UNC45B: variants seen among roughly 807,000 people sequenced by gnomAD.
UNC45B encodes the protein protein unc-45 homolog B.
In UNC45B, 78 loss-of-function variants were observed where a neutral mutation model predicts 98.7. That is an observed-to-expected ratio of 0.79 (90% CI 0.66 to 0.95). UNC45B has a LOEUF of 0.95. Ranked by LOEUF, UNC45B falls within the 40% of genes least tolerant of loss-of-function variation. The pLI is 0.00. For missense variants in UNC45B, 1,225 were observed against 1,184.9 expected (o/e 1.03, Z -0.50); for synonymous variants, 462 against 480.4 (o/e 0.96, Z 0.50).
At position 35,187,619 on chromosome 17, in the gene UNC45B, A is replaced by G. The variant is rs933169545; in HGVS notation, c.*1060A>G. On this transcript the variant is annotated 3_prime_UTR_variant, in exon 20 of 20. Coordinates refer to ENST00000394570, the MANE Select transcript of UNC45B (RefSeq NM_001267052.2). ...GGTCATATATACAAGTCTAGGGAAGAAATGAGCTTCATCCCTGTCCAATTG... is the reference window on the plus strand; with the variant it reads ...GGTCATATATACAAGTCTAGGGAAGGAATGAGCTTCATCCCTGTCCAATTG... The G allele has an allele frequency of 3.3e-5, 5 of 152,250 alleles. No homozygotes were observed. The highest frequency in any genetic ancestry group is 3.3e-4 in the Admixed American group (5 of 15,288). 9.4% of individuals were successfully genotyped at this position (152,250 alleles called of 1,614,324 possible). A position where few individuals can be genotyped will look rare whatever the true frequency, so the allele number is the denominator to read the frequency against.
At chr17:35,186,044 T>A (rs2092301360) in intron 19 of UNC45B, among the ~76,000 whole-genome samples, 1 of 152,098 alleles carries the variant, frequency 6.6e-6, no homozygotes. Flanking sequence ...GTGAAAAGGA[T>A]AAAACACAAG....
At chr17:35,160,132 C>T (rs1322563341) in intron 8 of UNC45B, among the ~76,000 whole-genome samples, 1 of 151,978 alleles carries the variant, frequency 6.6e-6, no homozygotes, top group East Asian at 1.9e-4. Flanking sequence ...AGGGTGTGGT[C>T]ACATTACATG....
rs1200059090 is a variant in UNC45B at position 35,186,886 on chromosome 17, C to G, written c.*327C>G. The G allele has an allele frequency of 8.2e-6, 2 of 242,444 alleles. No homozygotes were observed. Among genetic ancestry groups the G allele is most frequent in the African/African-American group, 4.5e-5 (2 of 44,440 alleles). 15.0% of individuals were successfully genotyped at this position (242,444 alleles called of 1,614,324 possible). On this transcript the variant is annotated 3_prime_UTR_variant, in exon 20 of 20. Transcript: ENST00000394570. ...AAGGCCAGGATAATAGGTTGAAGTT[C>G]TTTATATTTTGGAAAATGGATTTTG...
Position 35,168,322 on chromosome 17 carries a change from G to A in UNC45B, c.1413G>A (p.Lys471=), listed in dbSNP as rs35879240. Residue 471 remains lysine (K), a synonymous_variant, in exon 10 of 20, where the codon AAG becomes AAA. Coordinates refer to ENST00000394570, the MANE Select transcript of UNC45B (RefSeq NM_001267052.2). ...NGVSLLKQIY[K]TTKNEKIKIR... ...TGTCACTGCTCAAACAGATCTACAA[G>A]ACCACCAAAAATGAGAAGATCAAGA... The A allele has an allele frequency of 0.016, 22,438 of 1,386,918 alleles. 1,431 individuals carry two copies. In the East Asian group the frequency reaches 0.24, roughly 15 times the overall value. 85.9% of individuals were successfully genotyped at this position (1,386,918 alleles called of 1,614,324 possible). A position where few individuals can be genotyped will look rare whatever the true frequency, so the allele number is the denominator to read the frequency against.
Position 35,158,350 on chromosome 17 carries a change from T to C in UNC45B, c.809-1025T>C, listed in dbSNP as rs116942404. On this transcript the variant is annotated intron_variant, in intron 7 of 19. Coordinates refer to ENST00000394570, the MANE Select transcript of UNC45B (RefSeq NM_001267052.2). ...GACCTTGTTGATCTTGTGGCCTTGCTAGTGGCCAGCTTGGGTTTCTATAGA... is the reference window on the plus strand; with the variant it reads ...GACCTTGTTGATCTTGTGGCCTTGCCAGTGGCCAGCTTGGGTTTCTATAGA... Among the ~76,000 whole-genome samples, 1,321 of 152,336 alleles carry C rather than the reference T, an allele frequency of 8.7e-3. 30 individuals carry two copies. The highest frequency in any genetic ancestry group is 0.07 in the East Asian group (364 of 5,188).
At chr17:35,160,494 A>C (rs1334376618) in intron 8 of UNC45B, among the ~76,000 whole-genome samples, 2 of 152,164 alleles carry the variant, frequency 1.3e-5, no homozygotes, top group Non-Finnish European at 2.9e-5. Flanking sequence ...GCCAGAGTGC[A>C]GTGGCGTGAT....
intron 18 of UNC45B, among the ~76,000 whole-genome samples, chr17:35,182,502 A>G (rs1295313976): frequency 3.2e-4 from 48 of 152,292 alleles, no homozygotes; most frequent in East Asian, 1.9e-4. Context: ...ATGGGGAGAC[A>G]GACTGAGGGA....
chr17:35,172,335 T>C (rs1233599035), intron 13 of UNC45B, among the ~76,000 whole-genome samples: 2 of 151,164 alleles, frequency 1.3e-5, no homozygotes, highest in Non-Finnish European at 3.0e-5. Flanking sequence ...ATGCAACCTC[T>C]GCCTCCCAGG....
chr17:35,164,081 T>C lies in UNC45B; in HGVS notation c.1066T>C (p.Ser356Pro), dbSNP rs1175317454. 5 of 1,614,120 alleles carry C rather than the reference T, an allele frequency of 3.1e-6. No individual in the cohort carries two copies. Among genetic ancestry groups the C allele is most frequent in the Non-Finnish European group, 4.2e-6 (5 of 1,180,012 alleles). The change falls in exon 9 of 20, where the codon TCT (serine) becomes CCT (proline). Residue 356 changes from serine to proline, a missense_variant. By Grantham distance (74) the Ser-to-Pro change is moderately conservative (BLOSUM62 -1). Coordinates refer to ENST00000394570, the MANE Select transcript of UNC45B (RefSeq NM_001267052.2). ...GACTGACAACACCCGCATGCTGGCC[T>C]CTATCCTCATCAACAAGCTCTATGA... ...PLTDNTRMLA[S>P]ILINKLYDDL... is the part of the protein sequence containing the mutation.
At chr17:35,180,506 A>C (rs553114966) in intron 17 of UNC45B, 53 bp from the exon 18 acceptor site, 6 of 1,479,760 alleles carry the variant, frequency 4.1e-6, no homozygotes, top group Non-Finnish European at 4.7e-6. Context: ...GAAAACCCCT[A>C]TGGTCACGGC....
chr17:35,148,391 C>G lies in UNC45B; in HGVS notation c.128C>G (p.Ala43Gly). 1 of 1,614,062 alleles carries G rather than the reference C, an allele frequency of 6.2e-7. No individual in the cohort carries two copies. Among genetic ancestry groups the G allele is most frequent in the Non-Finnish European group, 8.5e-7 (1 of 1,180,020 alleles). ...CTGACCAAGGACAAGGCCCTGCTGG[C>G]CACGCTTTATCGGAACCGGGCAGCC... ...LKLTKDKALLATLYRNRAACG... is the reference protein window; with the variant it reads ...LKLTKDKALLGTLYRNRAACG... The change falls in exon 2 of 20, where the codon GCC becomes GGC. Residue 43 changes from alanine to glycine, a missense_variant. Transcript: ENST00000394570.
chr17:35,168,009 C>T (rs548514411), intron 9 of UNC45B, 52 bp from the exon 10 acceptor site: 48 of 1,386,566 alleles, frequency 3.5e-5, no homozygotes, highest in Non-Finnish European at 3.9e-5. Context: ...ATCTCACACT[C>T]TTTCCACTCT....
At chr17:35,177,974 A>T (rs2092247912) in intron 17 of UNC45B, among the ~76,000 whole-genome samples, 1 of 151,276 alleles carries the variant, frequency 6.6e-6, no homozygotes, top group Non-Finnish European at 1.5e-5. Context: ...ATCTCAGCTC[A>T]CTGCACCCTC....
chr17:35,156,443 T>G (rs758041830), intron 7 of UNC45B, among the ~76,000 whole-genome samples: 1 of 152,130 alleles, frequency 6.6e-6, no homozygotes, highest in South Asian at 2.1e-4. Context: ...CTGACCAACA[T>G]GGTGAAAACC....
intron 8 of UNC45B, among the ~76,000 whole-genome samples, chr17:35,161,126 A>G (rs1280149271): frequency 1.3e-5 from 2 of 152,234 alleles, no homozygotes; most frequent in African/African-American, 4.8e-5. Context: ...TTAACAACAG[A>G]TCTTCTCTCT....
At chr17:35,176,089 C>A in intron 15 of UNC45B, 55 bp downstream of exon 15, 1 of 1,563,882 alleles carries the variant, frequency 6.4e-7, no homozygotes, top group Non-Finnish European at 8.8e-7. Context: ...CTTTGCCTAG[C>A]GCAAGAATTA....
chr17:35,161,779 C>A (rs1211089858), intron 8 of UNC45B, among the ~76,000 whole-genome samples: 2 of 152,034 alleles, frequency 1.3e-5, no homozygotes, highest in Admixed American at 1.3e-4. Context: ...GGGAAACAAC[C>A]ATGCAATTAC....
intron 5 of UNC45B, 120 bp downstream of exon 5, chr17:35,153,102 C>A: frequency 1.2e-6 from 1 of 807,926 alleles, no homozygotes; most frequent in South Asian, 1.7e-5. Flanking sequence ...GGAAAATTGG[C>A]CAAAGGTTAA....
At chr17:35,183,302 G>A in intron 18 of UNC45B, 125 bp from the exon 19 acceptor site, 1 of 1,087,152 alleles carries the variant, frequency 9.2e-7, no homozygotes, top group Non-Finnish European at 1.2e-6. Flanking sequence ...GAGGTAGCAT[G>A]AGTGACCTGC....
Sources: gnomAD v4.1 joint callset for allele counts (sites outside exome capture counted in the v4.1 genomes callset) on GRCh38, gnomAD v4.1.1 for gene constraint, MANE v1.5 for transcripts, NCBI Gene and HGNC (gene_info 2026-07-23, HGNC 2026-07-21) for gene names.